Variants in MTAP observed in about 807,000 individuals in gnomAD.
The protein encoded by MTAP is methylthioadenosine phosphorylase.
A neutral mutation model predicts 33.6 loss-of-function variants in MTAP; 33 were observed. That is an observed-to-expected ratio of 0.98 (90% CI 0.74 to 1.31). MTAP has a LOEUF of 1.31. MTAP is among the 40% of genes most tolerant of loss of function. The pLI is 0.00. For synonymous variants in MTAP, 148 were observed against 125.7 expected, an observed-to-expected ratio of 1.18 and a Z score of -1.19; for missense variants, 367 against 360.0, an observed-to-expected ratio of 1.02 and a Z score of -0.16.
At chr9:21,816,855 G>C (rs1824488376) in intron 3 of MTAP, 83 bp downstream of exon 3, 1 of 1,159,244 alleles carries the variant, frequency 8.6e-7, no homozygotes, top group Non-Finnish European at 1.2e-6. Flanking sequence ...TAAAGATACA[G>C]GTCTGAGCTT....
At chr9:21,816,889 A>G in intron 3 of MTAP, 117 bp downstream of exon 3, 2 of 805,204 alleles carry the variant, frequency 2.5e-6, no homozygotes, top group Non-Finnish European at 1.9e-6. Flanking sequence ...GAATCAGAAC[A>G]TCTTAGTAAC....
chr9:21,839,715 A>G (rs2118343962), intron 5 of MTAP, among the ~76,000 whole-genome samples: 1 of 152,356 alleles, frequency 6.6e-6, no homozygotes, highest in Non-Finnish European at 1.5e-5. Flanking sequence ...TTCACTTTTA[A>G]CATCCACATG....
chr9:21,936,415 T>G (rs916031058), exon 8 of MTAP: 1 of 152,240 alleles, frequency 6.6e-6, no homozygotes, highest in Non-Finnish European at 1.5e-5. Flanking sequence ...GGGCTACTTT[T>G]CTTTCTCAAT....
At chr9:21,836,412 G>A (rs762369590) in intron 4 of MTAP, among the ~76,000 whole-genome samples, 2 of 152,144 alleles carry the variant, frequency 1.3e-5, no homozygotes, top group Non-Finnish European at 2.9e-5. Context: ...AAATGGGTGG[G>A]GATAGACAGG....
chr9:21,930,499 GA>G, intron 1 of MTAP: 1 of 236,618 alleles, frequency 4.2e-6, no homozygotes, highest in Non-Finnish European at 8.1e-6. Context: ...TGCCCAGGGT[GA>G]AAAGGGCTAT....
rs1234801875 is a variant in MTAP at position 21,854,670 on chromosome 9, C to T, written c.490C>T (p.His164Tyr). The change falls in exon 6 of 8, where the codon CAC (histidine) becomes TAC (tyrosine). Residue 164 changes from histidine to tyrosine, a missense_variant. Physicochemically the swap from His to Tyr is moderately conservative, Grantham distance 83 (BLOSUM62 2). Coordinates refer to ENST00000644715, the MANE Select transcript of MTAP (RefSeq NM_002451.4). ...ETAKKLGLRCHSKGTMVTIEG... is the reference protein window; with the variant it reads ...ETAKKLGLRCYSKGTMVTIEG... ...TGCTAAGAAGCTAGGACTCCGGTGC[C>T]ACTCAAAGGGGACAATGGTCACAAT... 1 of 1,607,928 alleles carries T rather than the reference C, an allele frequency of 6.2e-7. No homozygotes were observed. Among genetic ancestry groups the T allele is most frequent in the Non-Finnish European group, 8.5e-7 (1 of 1,176,414 alleles).
At chr9:21,895,544 G>A (rs1333443175) in intron 1 of MTAP, among the ~76,000 whole-genome samples, 1 of 152,186 alleles carries the variant, frequency 6.6e-6, no homozygotes, top group African/African-American at 2.4e-5. Flanking sequence ...CAGGGGTCGG[G>A]AATTCCCTTT....
chr9:21,896,073 A>C (rs918903736), intron 1 of MTAP, among the ~76,000 whole-genome samples: 6 of 152,242 alleles, frequency 3.9e-5, no homozygotes, highest in Admixed American at 2.6e-4. Flanking sequence ...CTCAGACCAC[A>C]GTGCAATCAA....
chr9:21,861,632 C>T, intron 7 of MTAP: 1 of 239,704 alleles, frequency 4.2e-6, no homozygotes, highest in South Asian at 8.0e-5. Context: ...ATAAAAATTT[C>T]AATGATTTCT....
Position 21,865,452 on chromosome 9 carries a change from T to C in MTAP, c.*3438T>C. On this transcript the variant is annotated 3_prime_UTR_variant, in exon 8 of 8. Coordinates refer to ENST00000644715, the MANE Select transcript of MTAP (RefSeq NM_002451.4). ...AGAATGGACTAATACACTCCTCAAA[T>C]GTTTTGAAGATTGTTGCACCTTGGA... 1.0e-6 allele frequency: 1 copy of C among 985,396 alleles called. No individual in the cohort carries two copies. The allele number at this position is 985,396 out of a possible 1,614,324, so 61.0% of individuals were successfully genotyped here. A position where few individuals can be genotyped will look rare whatever the true frequency, so the allele number is the denominator to read the frequency against.
rs1000221247 is a variant in MTAP, at chr9:21,825,134, G to C, written c.347+6932G>C. ...GGCACCCACTGTCCGACAAGCCCCA[G>C]TGAGATGAACCCGGTACCTAAGTTG... is the stretch of plus-strand genomic sequence containing the variant. On this transcript the variant is annotated intron_variant, in intron 4 of 7. Transcript: ENST00000644715. 4.6e-5 allele frequency among the ~76,000 whole-genome samples: 7 copies of C among 152,288 alleles called. No homozygotes were observed. The East Asian group carries it at 5.8e-4, about 13-fold the overall frequency.
chr9:21,901,194 T>G (rs778159350), intron 1 of MTAP, among the ~76,000 whole-genome samples: 16 of 152,108 alleles, frequency 1.1e-4, no homozygotes, highest in Non-Finnish European at 2.1e-4. Context: ...AAAATACACA[T>G]TGACAAAAGA....
intron 1 of MTAP, among the ~76,000 whole-genome samples, chr9:21,904,935 G>T (rs1361409840): frequency 1.3e-5 from 2 of 152,162 alleles, no homozygotes; most frequent in Non-Finnish European, 2.9e-5. Flanking sequence ...ATGTGACGGG[G>T]TGTGGCTCAC....
At chr9:21,858,300 G>T (rs554442812) in intron 6 of MTAP, among the ~76,000 whole-genome samples, 1 of 152,144 alleles carries the variant, frequency 6.6e-6, no homozygotes, top group African/African-American at 2.4e-5. Context: ...TATTTTCTCC[G>T]ATACCATATT....
At chr9:21,802,963 ATGATCCCCCTGCCGCACCGCC>A (rs1287392860) in intron 1 of MTAP, 182 bp downstream of exon 1, 1 of 1,302,988 alleles carries the variant, frequency 7.7e-7, no homozygotes, top group Non-Finnish European at 9.7e-7. Context: ...ACGCTTGCAA[ATGATCCCCCTGCCGCACCGCC>A]AACACACACA....
chr9:21,906,036 G>A (rs77417523), intron 1 of MTAP, among the ~76,000 whole-genome samples: 12 of 152,282 alleles, frequency 7.9e-5, no homozygotes, highest in Middle Eastern at 3.4e-3. Context: ...CAGTATTTTT[G>A]TGAGGCCAGA....
chr9:21,923,275 G>A (rs779037287), intron 1 of MTAP, among the ~76,000 whole-genome samples: 1 of 152,114 alleles, frequency 6.6e-6, no homozygotes, highest in Non-Finnish European at 1.5e-5. Context: ...TCCCTGTTAT[G>A]CTCCAGGGTC....
At chr9:21,845,318 TTCA>T (rs1825352426) in intron 5 of MTAP, among the ~76,000 whole-genome samples, 1 of 152,120 alleles carries the variant, frequency 6.6e-6, no homozygotes, top group Admixed American at 6.5e-5. Context: ...GATAAATGAA[TTCA>T]GCAAAGTTTC....
intron 6 of MTAP, among the ~76,000 whole-genome samples, chr9:21,856,748 C>A (rs1054240922): frequency 6.6e-6 from 1 of 152,148 alleles, no homozygotes; most frequent in Non-Finnish European, 1.5e-5. Flanking sequence ...CAAGGAAGGC[C>A]CACAGAAAGA....
Sources: allele counts gnomAD v4.1 joint callset (sites outside exome capture counted in the v4.1 genomes callset), GRCh38; gene constraint gnomAD v4.1.1; transcripts MANE v1.5; gene names NCBI Gene and HGNC (gene_info 2026-07-23, HGNC 2026-07-21).